The following CTNNA2 variants were observed in gnomAD, a reference collection of about 807,000 sequenced individuals.
CTNNA2 encodes catenin alpha-2.
In CTNNA2, 42 loss-of-function variants were observed where a neutral mutation model predicts 101.0. The ratio of observed to expected loss-of-function variants is 0.42; its 90% CI spans 0.32 to 0.54. The LOEUF (loss-of-function observed/expected upper bound fraction) is 0.54. Among genes scored for constraint, CTNNA2 ranks in the 20% least tolerant of loss-of-function variants. CTNNA2 has a pLI of 0.14. For synonymous variants in CTNNA2, 450 were observed against 456.4 expected, an observed-to-expected ratio of 0.99 and a Z score of 0.18; for missense variants, 871 against 1,223.1, an observed-to-expected ratio of 0.71 and a Z score of 4.29.
chr2:79,976,259 A>G (rs1200494491), intron 7 of CTNNA2, among the ~76,000 whole-genome samples: 2 of 152,176 alleles, frequency 1.3e-5, no homozygotes, highest in Non-Finnish European at 2.9e-5. Context: ...TGGTATAACA[A>G]GGATTTTTGC....
chr2:79,440,652 A>T (rs1678768074), intron 4 of CTNNA2, among the ~76,000 whole-genome samples: 1 of 152,152 alleles, frequency 6.6e-6, no homozygotes, highest in South Asian at 2.1e-4. Context: ...ACTGTCTGAG[A>T]GAGACATGCA....
intron 7 of CTNNA2, among the ~76,000 whole-genome samples, chr2:80,378,364 AAATAAAT>A (rs1235178462): frequency 4.1e-4 from 12 of 29,492 alleles, no homozygotes; most frequent in African/African-American, 1.8e-3. Context: ...CTCAAAAAAT[AAATAAAT>A]AAATAAATAA....
chr2:79,736,473 A>AT (rs1221403383), intron 2 of CTNNA2, among the ~76,000 whole-genome samples: 2 of 152,192 alleles, frequency 1.3e-5, no homozygotes, highest in Non-Finnish European at 2.9e-5. Flanking sequence ...GAAGCTTGGT[A>AT]TTATCAAATA....
intron 2 of CTNNA2, among the ~76,000 whole-genome samples, chr2:79,690,623 G>A (rs1223180000): frequency 1.3e-5 from 2 of 151,948 alleles, no homozygotes; most frequent in Non-Finnish European, 2.9e-5. Context: ...CTTTATAGTA[G>A]ATCAGCTAGG....
intron 7 of CTNNA2, among the ~76,000 whole-genome samples, chr2:80,017,776 G>A (rs952160879): frequency 6.6e-6 from 1 of 152,078 alleles, no homozygotes; most frequent in Non-Finnish European, 1.5e-5. Flanking sequence ...ATAAGAAATA[G>A]CGCTTCTGGT....
At chr2:79,537,196 G>A (rs140965325) in intron 1 of CTNNA2, among the ~76,000 whole-genome samples, 2 of 152,120 alleles carry the variant, frequency 1.3e-5, no homozygotes, top group Non-Finnish European at 1.5e-5. Flanking sequence ...GATTTGACCT[G>A]CCTGATCCAC....
chr2:79,434,314 G>C (rs547987007), intron 4 of CTNNA2, among the ~76,000 whole-genome samples: 1,729 of 141,756 alleles, frequency 0.012, 32 homozygotes, highest in African/African-American at 0.04. Flanking sequence ...AAAAAAAAAA[G>C]GAAGAAGGAG....
At chr2:80,306,450 T>TTCTG (rs1553488063) in intron 7 of CTNNA2, among the ~76,000 whole-genome samples, 1 of 125,028 alleles carries the variant, frequency 8.0e-6, no homozygotes, top group African/African-American at 2.8e-5. Flanking sequence ...CTTTCTTTCT[T>TTCTG]TCTCTCTCTC....
At chr2:79,947,436 A>G (rs970480494) in intron 7 of CTNNA2, among the ~76,000 whole-genome samples, 4 of 152,190 alleles carry the variant, frequency 2.6e-5, no homozygotes, top group African/African-American at 9.7e-5. Flanking sequence ...AATACCCTAC[A>G]TTGTAATGAT....
chr2:79,992,313 GAA>G (rs918449260), intron 7 of CTNNA2, among the ~76,000 whole-genome samples: 4 of 151,962 alleles, frequency 2.6e-5, no homozygotes, highest in African/African-American at 9.7e-5. Flanking sequence ...AAAAAGAAAA[GAA>G]ATGATTATAT....
chr2:80,620,932 A>T (rs575013617), intron 18 of CTNNA2, among the ~76,000 whole-genome samples: 9 of 152,022 alleles, frequency 5.9e-5, no homozygotes, highest in Admixed American at 5.2e-4. Context: ...GCATGCACTT[A>T]TTTATCTTCA....
chr2:79,515,389 T>C (rs763589129), intron 1 of CTNNA2, among the ~76,000 whole-genome samples: 1 of 152,226 alleles, frequency 6.6e-6, no homozygotes, highest in Non-Finnish European at 1.5e-5. Context: ...CCCCTGCCAG[T>C]ATGTCTGCTG....
chr2:79,987,557 G>T (rs1042618942), intron 7 of CTNNA2, among the ~76,000 whole-genome samples: 3 of 151,922 alleles, frequency 2.0e-5, no homozygotes, highest in Admixed American at 2.0e-4. Context: ...CACATACTGG[G>T]ACTTTAGTAA....
In CTNNA2 at chr2:80,353,078, G is replaced by A. The variant is rs976997587; in HGVS notation, c.1057-40133G>A. ...GACTATGTCTTCCCCAAGAAACCTAGTTCATCTTGTTCCACCAAAATGCTC... is the reference window on the plus strand; with the variant it reads ...GACTATGTCTTCCCCAAGAAACCTAATTCATCTTGTTCCACCAAAATGCTC... On this transcript the variant is annotated intron_variant, in intron 7 of 18. Transcript: ENST00000402739. Among the ~76,000 whole-genome samples, 58 of 152,068 alleles carry A rather than the reference G, an allele frequency of 3.8e-4. 1 individual carries two copies. The highest frequency in any genetic ancestry group is 1.3e-3 in the African/African-American group (53 of 41,390).
At chr2:80,217,916 C>T (rs936896979) in intron 7 of CTNNA2, among the ~76,000 whole-genome samples, 1 of 152,192 alleles carries the variant, frequency 6.6e-6, no homozygotes, top group Non-Finnish European at 1.5e-5. Context: ...TTCACAGGAA[C>T]TGTTGCAAAA....
intron 3 of CTNNA2, among the ~76,000 whole-genome samples, chr2:79,350,022 C>T (rs576931052): frequency 7.0e-5 from 9 of 129,406 alleles, no homozygotes; most frequent in Admixed American, 3.0e-4. Flanking sequence ...TGCAGTGAGA[C>T]GAGATCACGC....
At chr2:79,378,856 C>A (rs1438337243) in intron 4 of CTNNA2, among the ~76,000 whole-genome samples, 1 of 152,066 alleles carries the variant, frequency 6.6e-6, no homozygotes, top group African/African-American at 2.4e-5. Context: ...TGCTTCTTGT[C>A]TCAATCAAAA....
At chr2:79,376,149 G>A (rs1399180712) in intron 4 of CTNNA2, among the ~76,000 whole-genome samples, 8 of 152,246 alleles carry the variant, frequency 5.3e-5, no homozygotes, top group African/African-American at 1.4e-4. Context: ...GAAGTAAGAC[G>A]AAATAAGGAT....
chr2:80,557,468 T>G (rs189956306), intron 12 of CTNNA2, among the ~76,000 whole-genome samples: 1 of 152,290 alleles, frequency 6.6e-6, no homozygotes, highest in African/African-American at 2.4e-5. Context: ...GTACAAAGTC[T>G]CAGCTTCATG....
Sources: gnomAD v4.1 joint callset for allele counts (sites outside exome capture counted in the v4.1 genomes callset) on GRCh38, gnomAD v4.1.1 for gene constraint, MANE v1.5 for transcripts, NCBI Gene and HGNC (gene_info 2026-07-23, HGNC 2026-07-21) for gene names.